Variants in GRM7 observed in about 807,000 individuals in gnomAD.
The protein encoded by GRM7 is glutamate metabotropic receptor 7.
In GRM7, 35 loss-of-function variants were observed where a neutral mutation model predicts 84.5. The observed-to-expected ratio is 0.41, with a 90% CI of 0.32 to 0.55. The LOEUF is 0.55. GRM7 is among the 20% of genes least tolerant of loss of function. GRM7 has a pLI of 0.19. For missense variants in GRM7, 1,003 were observed against 1,194.6 expected, an observed-to-expected ratio of 0.84 and a Z score of 2.36; for synonymous variants, 487 against 455.1, an observed-to-expected ratio of 1.07 and a Z score of -0.89.
rs973863621 is a variant in GRM7 at position 7,414,922 on chromosome 3, A to G, written c.1034-101A>G. On this transcript the variant is annotated intron_variant, in intron 4 of 9. Transcript: ENST00000357716. ...TTTCGGTCGACACACAAGAGGATCCAATTCACTGAAACAAAGAAAAAAAAA... is the reference window on the plus strand; with the variant it reads ...TTTCGGTCGACACACAAGAGGATCCGATTCACTGAAACAAAGAAAAAAAAA... 6.8e-6 allele frequency: 6 copies of G among 880,314 alleles called. No homozygotes were observed. In the African/African-American group the frequency reaches 8.7e-5, roughly 13 times the overall value. 54.5% of individuals were successfully genotyped at this position (880,314 alleles called of 1,614,324 possible). A position where few individuals can be genotyped will look rare whatever the true frequency, so the allele number is the denominator to read the frequency against.
At chr3:7,032,246 A>G (rs888257772) in intron 1 of GRM7, among the ~76,000 whole-genome samples, 2 of 152,234 alleles carry the variant, frequency 1.3e-5, no homozygotes, top group African/African-American at 4.8e-5. Flanking sequence ...GCCCAAATGC[A>G]TAACTGATTA....
chr3:7,338,652 A>C (rs1300001166), intron 4 of GRM7, among the ~76,000 whole-genome samples: 1 of 152,108 alleles, frequency 6.6e-6, no homozygotes, highest in African/African-American at 2.4e-5. Context: ...TGAAGTTCAC[A>C]CCATGGATGC....
chr3:7,134,033 A>G (rs935838631), intron 1 of GRM7, among the ~76,000 whole-genome samples: 14 of 152,138 alleles, frequency 9.2e-5, no homozygotes, highest in African/African-American at 1.7e-4. Flanking sequence ...CCCCTCCCAT[A>G]CTTATAACTA....
chr3:7,739,205 C>T lies in GRM7; in HGVS notation c.2699-1152C>T, dbSNP rs141880546. Among the ~76,000 whole-genome samples the T allele has an allele frequency of 1.3e-4, 20 of 152,288 alleles. No individual in the cohort carries two copies. In the East Asian group the frequency reaches 3.9e-3, roughly 29 times the overall value. Reference sequence around the variant, plus strand: ...AAGACCAGGCTTGTTGTATAGTGTACAGTACCCTGTGTAAGATCTATAATC... The same window carrying T: ...AAGACCAGGCTTGTTGTATAGTGTATAGTACCCTGTGTAAGATCTATAATC... On this transcript the variant is annotated intron_variant, in intron 9 of 9. Coordinates refer to ENST00000357716, the MANE Select transcript of GRM7 (RefSeq NM_000844.4).
intron 1 of GRM7, among the ~76,000 whole-genome samples, chr3:6,944,599 A>G (rs1697996082): frequency 6.6e-6 from 1 of 152,106 alleles, no homozygotes; most frequent in Admixed American, 6.6e-5. Flanking sequence ...GAGTCTTTGC[A>G]TATGTATTCC....
chr3:7,624,208 T>C (rs1026332099), intron 8 of GRM7, among the ~76,000 whole-genome samples: 10 of 152,152 alleles, frequency 6.6e-5, no homozygotes, highest in African/African-American at 2.4e-4. Context: ...AGCTGATGAC[T>C]TATGAATAAA....
At chr3:7,406,122 A>G (rs891206779) in intron 4 of GRM7, among the ~76,000 whole-genome samples, 3 of 152,032 alleles carry the variant, frequency 2.0e-5, no homozygotes, top group Admixed American at 6.6e-5. Context: ...GTATTTAATC[A>G]TGTGTTTTGG....
At chr3:7,168,494 A>T (rs1694878945) in intron 2 of GRM7, among the ~76,000 whole-genome samples, 1 of 152,192 alleles carries the variant, frequency 6.6e-6, no homozygotes, top group Non-Finnish European at 1.5e-5. Flanking sequence ...GTACACCAAG[A>T]AGGTGTGACC....
chr3:7,711,407 G>A (rs956501760), intron 9 of GRM7, among the ~76,000 whole-genome samples: 4 of 152,178 alleles, frequency 2.6e-5, no homozygotes, highest in African/African-American at 7.2e-5. Flanking sequence ...AAGGAGGCTA[G>A]TGTAGTGAGC....
chr3:7,257,631 G>T (rs1424549342), intron 2 of GRM7, among the ~76,000 whole-genome samples: 1 of 152,210 alleles, frequency 6.6e-6, no homozygotes, highest in African/African-American at 2.4e-5. Flanking sequence ...ACTAATTCTG[G>T]ATAGAAACCT....
intron 1 of GRM7, among the ~76,000 whole-genome samples, chr3:6,945,253 C>T (rs802645): frequency 0.2 from 30,407 of 149,566 alleles, 3,302 homozygotes; most frequent in East Asian, 0.3. Context: ...TGATGTTCCC[C>T]TTCCTGTGTC....
intron 9 of GRM7, among the ~76,000 whole-genome samples, chr3:7,687,220 G>C (rs1248610341): frequency 1.3e-5 from 2 of 152,202 alleles, no homozygotes; most frequent in African/African-American, 2.4e-5. Flanking sequence ...CAAATAAATA[G>C]ATTAGAGAAA....
In GRM7 at chr3:7,553,478, AT is replaced by A. The variant is rs1693595980; in HGVS notation, c.1516-24940del. Among the ~76,000 whole-genome samples, 2 of 152,078 alleles carry A rather than the reference AT, an allele frequency of 1.3e-5. 1 individual carries two copies. Among genetic ancestry groups the A allele is most frequent in the Admixed American group, 1.3e-4 (2 of 15,266 alleles). Reference sequence around the variant, plus strand: ...TGGTACCAATTTATTGTATTAGTTCATTTTCATATGGCCATAAAGAACTTCC... The same window carrying A: ...TGGTACCAATTTATTGTATTAGTTCATTTCATATGGCCATAAAGAACTTCC... On this transcript the variant is annotated intron_variant, in intron 7 of 9. Coordinates refer to ENST00000357716, the MANE Select transcript of GRM7 (RefSeq NM_000844.4).
intron 1 of GRM7, among the ~76,000 whole-genome samples, chr3:7,137,841 A>G (rs1483599498): frequency 6.6e-6 from 1 of 152,090 alleles, no homozygotes; most frequent in Non-Finnish European, 1.5e-5. Flanking sequence ...CTCCTGGAGA[A>G]ATAAATACAT....
At chr3:7,102,444 T>C (rs1699143701) in intron 1 of GRM7, among the ~76,000 whole-genome samples, 1 of 151,786 alleles carries the variant, frequency 6.6e-6, no homozygotes, top group African/African-American at 2.4e-5. Context: ...CTCTGGCTGC[T>C]TCCAAGGTTT....
intron 1 of GRM7, among the ~76,000 whole-genome samples, chr3:7,018,451 C>T (rs908981649): frequency 1.4e-4 from 21 of 152,358 alleles, no homozygotes; most frequent in African/African-American, 5.0e-4. Context: ...GGGATGAACA[C>T]AGAAAACTTT....
chr3:6,917,877 A>G (rs1449080609), intron 1 of GRM7, among the ~76,000 whole-genome samples: 1 of 152,138 alleles, frequency 6.6e-6, no homozygotes, highest in African/African-American at 2.4e-5. Context: ...ATAGTACAGA[A>G]AGAAGTTTTG....
At chr3:7,187,603 G>A (rs1184006682) in intron 2 of GRM7, among the ~76,000 whole-genome samples, 2 of 151,284 alleles carry the variant, frequency 1.3e-5, no homozygotes, top group Non-Finnish European at 2.9e-5. Flanking sequence ...CTCCTGCAGA[G>A]CAGGGCTACC....
intron 8 of GRM7, among the ~76,000 whole-genome samples, chr3:7,624,820 G>C (rs1248362669): frequency 4.6e-5 from 7 of 152,104 alleles, no homozygotes; most frequent in African/African-American, 1.7e-4. Context: ...AAGGTTAGAC[G>C]TTACCTGGTT....
Sources: allele counts gnomAD v4.1 joint callset (sites outside exome capture counted in the v4.1 genomes callset), GRCh38; gene constraint gnomAD v4.1.1; transcripts MANE v1.5; gene names NCBI Gene and HGNC (gene_info 2026-07-23, HGNC 2026-07-21).